Variants in THSD7A observed in about 807,000 individuals in gnomAD.
The protein encoded by THSD7A is thrombospondin type 1 domain containing 7A.
THSD7A carries 96 observed loss-of-function variants against 231.3 expected under a neutral mutation model. The ratio of observed to expected loss-of-function variants is 0.41; its 90% CI spans 0.35 to 0.49. The LOEUF (loss-of-function observed/expected upper bound fraction) is 0.49, where lower values mean the gene tolerates loss of function less well. Ranked by LOEUF, THSD7A falls within the 20% of genes least tolerant of loss-of-function variation. The pLI, the probability that THSD7A is intolerant of heterozygous loss-of-function variation, is 0.05. For synonymous variants in THSD7A, 940 were observed against 743.3 expected (o/e 1.26, Z -4.30); for missense variants, 2,290 against 2,070.2 (o/e 1.11, Z -2.06).
chr7:11,482,614 G>A (rs1449941042), intron 6 of THSD7A, among the ~76,000 whole-genome samples: 1 of 152,138 alleles, frequency 6.6e-6, no homozygotes, highest in African/African-American at 2.4e-5. Context: ...ACAAACAAAT[G>A]GCAGAAGTAA....
chr7:11,716,921 C>G (rs758752176), intron 1 of THSD7A, among the ~76,000 whole-genome samples: 1 of 151,544 alleles, frequency 6.6e-6, no homozygotes, highest in Non-Finnish European at 1.5e-5. Context: ...CAAAAATACC[C>G]TGAGTGGTAA....
At chr7:11,816,831 A>G (rs1025188159) in intron 1 of THSD7A, among the ~76,000 whole-genome samples, 4 of 152,216 alleles carry the variant, frequency 2.6e-5, no homozygotes, top group Non-Finnish European at 5.9e-5. Context: ...AATATCAGGT[A>G]AAATTATGAA....
intron 2 of THSD7A, among the ~76,000 whole-genome samples, chr7:11,611,828 A>AT (rs2128349174): frequency 2.2e-5 from 3 of 136,840 alleles, no homozygotes; most frequent in East Asian, 2.3e-4. Context: ...ACACACACAC[A>AT]CACTATCATC....
At chr7:11,776,578 C>G (rs1783412869) in intron 1 of THSD7A, among the ~76,000 whole-genome samples, 1 of 152,020 alleles carries the variant, frequency 6.6e-6, no homozygotes, top group Non-Finnish European at 1.5e-5. Context: ...TAAGGTTTGT[C>G]TTTGGGGATT....
At chr7:11,744,773 A>G (rs1354212293) in intron 1 of THSD7A, among the ~76,000 whole-genome samples, 2 of 151,832 alleles carry the variant, frequency 1.3e-5, no homozygotes, top group African/African-American at 4.8e-5. Flanking sequence ...ACATGAACTC[A>G]TCCTTTTTTA....
chr7:11,610,874 T>C (rs565315549), intron 2 of THSD7A, among the ~76,000 whole-genome samples: 1 of 152,294 alleles, frequency 6.6e-6, no homozygotes, highest in East Asian at 1.9e-4. Context: ...CTTTTCACTA[T>C]GTTCCAAGAT....
chr7:11,381,827 G>A (rs1310870471), intron 24 of THSD7A, among the ~76,000 whole-genome samples: 3 of 152,044 alleles, frequency 2.0e-5, no homozygotes, highest in Non-Finnish European at 4.4e-5. Context: ...TCCTTCAAGG[G>A]GTCCTTAGGA....
chr7:11,493,661 C>A (rs1471215304), intron 6 of THSD7A, among the ~76,000 whole-genome samples: 1 of 152,140 alleles, frequency 6.6e-6, no homozygotes, highest in Non-Finnish European at 1.5e-5. Context: ...TGAAGGTAAA[C>A]AATATTGGCC....
chr7:11,482,499 ATTGT>A (rs1361436937), intron 6 of THSD7A, among the ~76,000 whole-genome samples: 5 of 152,206 alleles, frequency 3.3e-5, no homozygotes, highest in Admixed American at 6.5e-5. Context: ...TTCGTAAAAA[ATTGT>A]TTGTTAGTTG....
chr7:11,487,487 T>G (rs1240691568), intron 6 of THSD7A, among the ~76,000 whole-genome samples: 3 of 152,170 alleles, frequency 2.0e-5, no homozygotes, highest in Non-Finnish European at 4.4e-5. Context: ...AATTAATACA[T>G]TAAACATACA....
chr7:11,462,186 G>A, intron 9 of THSD7A, 43 bp from the exon 10 acceptor site: 10 of 1,603,864 alleles, frequency 6.2e-6, no homozygotes, highest in Non-Finnish European at 8.5e-6. Flanking sequence ...TTACACTGAT[G>A]AGATAATCTC....
rs528617606 is a variant in THSD7A, at chr7:11,766,074, A to G, written c.190+65683T>C. Reference sequence around the variant, plus strand: ...CTAAAAGTGAAAAAAATACAACTACATATGTGTGGAAGGGCAGTGAATTTT... The same window carrying G: ...CTAAAAGTGAAAAAAATACAACTACGTATGTGTGGAAGGGCAGTGAATTTT... On this transcript the variant is annotated intron_variant, in intron 1 of 27. Transcript: ENST00000423059. Among the ~76,000 whole-genome samples, 14 of 152,288 alleles carry G rather than the reference A, an allele frequency of 9.2e-5. No homozygotes were observed. The East Asian group carries it at 1.7e-3, about 19-fold the overall frequency.
intron 4 of THSD7A, among the ~76,000 whole-genome samples, chr7:11,548,974 C>T (rs1474085347): frequency 3.3e-5 from 5 of 151,908 alleles, no homozygotes; most frequent in African/African-American, 9.7e-5. Context: ...AGACAACCTA[C>T]ACAATAGGAG....
At position 11,716,248 on chromosome 7, in the gene THSD7A, C is replaced by A. The variant is rs537418825; in HGVS notation, c.191-79287G>T. Reference sequence around the variant, plus strand: ...TCTGCCTGGAATATTCTTCCTCCAACTCTCTCCACCCATCTTGAATGCCCC... The same window carrying A: ...TCTGCCTGGAATATTCTTCCTCCAAATCTCTCCACCCATCTTGAATGCCCC... On this transcript the variant is annotated intron_variant, in intron 1 of 27. Coordinates refer to ENST00000423059, the MANE Select transcript of THSD7A (RefSeq NM_015204.3). Among the ~76,000 whole-genome samples the A allele has an allele frequency of 2.6e-5, 4 of 151,706 alleles. No homozygotes were observed. The East Asian group carries it at 7.8e-4, about 30-fold the overall frequency.
chr7:11,686,986 T>C (rs1170014542), intron 1 of THSD7A, among the ~76,000 whole-genome samples: 1 of 151,716 alleles, frequency 6.6e-6, no homozygotes, highest in Non-Finnish European at 1.5e-5. Context: ...TTGGGGAAAA[T>C]AAACAAACCC....
intron 1 of THSD7A, among the ~76,000 whole-genome samples, chr7:11,822,542 T>C (rs1784906027): frequency 6.6e-6 from 1 of 152,122 alleles, no homozygotes; most frequent in African/African-American, 2.4e-5. Context: ...ATATTGACTT[T>C]TTTTTCCTTT....
chr7:11,502,061 C>T (rs1311558645), intron 6 of THSD7A, among the ~76,000 whole-genome samples: 1 of 152,060 alleles, frequency 6.6e-6, no homozygotes, highest in Non-Finnish European at 1.5e-5. Context: ...CATACACACC[C>T]TCCCAAAACT....
chr7:11,793,692 C>G (rs909901464), intron 1 of THSD7A, among the ~76,000 whole-genome samples: 1 of 151,668 alleles, frequency 6.6e-6, no homozygotes, highest in Non-Finnish European at 1.5e-5. Flanking sequence ...AAATGGTATA[C>G]TATATTTTTC....
At chr7:11,809,054 ATTAAGT>A (rs909437436) in intron 1 of THSD7A, among the ~76,000 whole-genome samples, 4 of 152,206 alleles carry the variant, frequency 2.6e-5, no homozygotes, top group African/African-American at 9.6e-5. Context: ...TTTAAGCTAA[ATTAAGT>A]TTAAGTAATT....
Sources: allele counts gnomAD v4.1 joint callset (sites outside exome capture counted in the v4.1 genomes callset), GRCh38; gene constraint gnomAD v4.1.1; transcripts MANE v1.5; gene names NCBI Gene and HGNC (gene_info 2026-07-23, HGNC 2026-07-21).